Variants in ST7 observed in about 807,000 individuals in gnomAD.
ST7 encodes the protein suppressor of tumorigenicity 7 protein.
In ST7, 28 loss-of-function variants were observed where a neutral mutation model predicts 78.7. The observed-to-expected ratio is 0.36, with a 90% CI of 0.26 to 0.49. The LOEUF (loss-of-function observed/expected upper bound fraction) is 0.49, where lower values mean the gene tolerates loss of function less well. ST7 is among the 20% of genes least tolerant of loss of function. The pLI is 0.99. For synonymous variants in ST7, 247 were observed against 249.6 expected (o/e 0.99, Z 0.10); for missense variants, 418 against 696.0 (o/e 0.60, Z 4.49).
intron 1 of ST7, among the ~76,000 whole-genome samples, chr7:117,078,405 A>C (rs1341364220): frequency 6.6e-6 from 1 of 152,256 alleles, no homozygotes; most frequent in Non-Finnish European, 1.5e-5. Flanking sequence ...ATTAATCCAT[A>C]TATCTGGTGA....
At chr7:117,005,897 T>C (rs565401615) in intron 1 of ST7, among the ~76,000 whole-genome samples, 2 of 152,300 alleles carry the variant, frequency 1.3e-5, no homozygotes, top group African/African-American at 4.8e-5. Flanking sequence ...AATACGTAGA[T>C]CATAAATAGA....
intron 9 of ST7, chr7:117,146,015 CCAG>C (rs1805759776): frequency 6.6e-6 from 1 of 152,128 alleles, no homozygotes; most frequent in Non-Finnish European, 1.5e-5. Flanking sequence ...TACAGGATTC[CCAG>C]CTGAGAACTA....
chr7:117,020,681 T>C, intron 1 of ST7: 3 of 1,549,066 alleles, frequency 1.9e-6, no homozygotes, highest in Non-Finnish European at 2.6e-6. Flanking sequence ...CTTGCTGTCA[T>C]GGTTTCATTG....
intron 3 of ST7, among the ~76,000 whole-genome samples, chr7:117,120,177 G>A (rs527763409): frequency 7.9e-5 from 12 of 152,070 alleles, no homozygotes; most frequent in Non-Finnish European, 1.5e-5. Flanking sequence ...TAATCTGCCC[G>A]CCTTGGCCTC....
chr7:117,123,724 A>T (rs1474098819), intron 3 of ST7, among the ~76,000 whole-genome samples: 1 of 152,172 alleles, frequency 6.6e-6, no homozygotes, highest in Non-Finnish European at 1.5e-5. Context: ...AACATTCTGA[A>T]TTTGAGTTTA....
At chr7:117,178,968 G>A (rs1356620703) in intron 10 of ST7, among the ~76,000 whole-genome samples, 1 of 152,146 alleles carries the variant, frequency 6.6e-6, no homozygotes, top group African/African-American at 2.4e-5. Flanking sequence ...GCCAGAAGAG[G>A]TGTGGTTTTC....
intron 1 of ST7, among the ~76,000 whole-genome samples, chr7:117,071,204 C>T (rs558000898): frequency 6.6e-6 from 1 of 152,266 alleles, no homozygotes; most frequent in East Asian, 1.9e-4. Flanking sequence ...GCCTGGGCGA[C>T]AGAGCGAGAC....
At chr7:117,163,213 A>G (rs1443731000) in intron 9 of ST7, among the ~76,000 whole-genome samples, 4 of 152,108 alleles carry the variant, frequency 2.6e-5, no homozygotes, top group Non-Finnish European at 5.9e-5. Context: ...TGTCTTGGCT[A>G]TTGTGAATAG....
At chr7:117,188,773 T>TATATATATCCTC (rs147832271) in intron 10 of ST7, among the ~76,000 whole-genome samples, 6 of 151,982 alleles carry the variant, frequency 3.9e-5, no homozygotes, top group East Asian at 1.9e-4. Flanking sequence ...GACATATATA[T>TATATATATCCTC]AACTTGGACT....
intron 1 of ST7, among the ~76,000 whole-genome samples, chr7:117,065,164 A>G (rs10260368): frequency 0.23 from 34,328 of 149,040 alleles, 6,723 homozygotes; most frequent in African/African-American, 0.54. Flanking sequence ...ATAGCAAGTT[A>G]TGAATAAAAC....
chr7:117,047,356 T>C (rs1797543550), intron 1 of ST7, among the ~76,000 whole-genome samples: 1 of 152,226 alleles, frequency 6.6e-6, no homozygotes, highest in African/African-American at 2.4e-5. Context: ...ACGACTTAAT[T>C]ACAGGGAGTG....
At chr7:117,013,565 C>T (rs1394780466) in intron 1 of ST7, among the ~76,000 whole-genome samples, 2 of 152,316 alleles carry the variant, frequency 1.3e-5, no homozygotes, top group African/African-American at 2.4e-5. Flanking sequence ...AGGTGGCTCA[C>T]GCCTGTAATC....
chr7:117,173,211 T>C (rs1242543134), intron 10 of ST7, among the ~76,000 whole-genome samples: 1 of 152,224 alleles, frequency 6.6e-6, no homozygotes, highest in African/African-American at 2.4e-5. Context: ...TCATTATTCA[T>C]GGAAAAAGAG....
chr7:117,229,891 G>T lies in ST7; in HGVS notation c.*34G>T, dbSNP rs751920618. 2.6e-6 allele frequency: 4 copies of T among 1,559,832 alleles called. No individual in the cohort carries two copies. In the South Asian group the frequency reaches 3.3e-5, roughly 13 times the overall value. ...CTGTCCTCCACTCACCTCACCCGCCGCTGCCACCATCTCCTCTGTGCCAAC... is the reference window on the plus strand; with the variant it reads ...CTGTCCTCCACTCACCTCACCCGCCTCTGCCACCATCTCCTCTGTGCCAAC... On this transcript the variant is annotated 3_prime_UTR_variant, in exon 16 of 16. Coordinates refer to ENST00000323984, the MANE Select transcript of ST7 (RefSeq NM_001369598.1).
intron 1 of ST7, among the ~76,000 whole-genome samples, chr7:116,993,392 C>T (rs1277765450): frequency 6.6e-6 from 1 of 152,108 alleles, no homozygotes; most frequent in African/African-American, 2.4e-5. Flanking sequence ...AAAACGGAAA[C>T]CCCTGATAGA....
intron 10 of ST7, chr7:117,187,755 G>C (rs1809401762): frequency 1.3e-5 from 2 of 152,032 alleles, no homozygotes; most frequent in African/African-American, 4.8e-5. Context: ...ACAAGGCTTG[G>C]GTAATTTTAA....
intron 1 of ST7, among the ~76,000 whole-genome samples, chr7:117,062,955 G>GT (rs1345262711): frequency 6.6e-6 from 1 of 152,116 alleles, no homozygotes; most frequent in Non-Finnish European, 1.5e-5. Context: ...CTTTCCTTTA[G>GT]TTTTTTACAT....
At chr7:116,958,067 G>T (rs1792609053) in intron 1 of ST7, among the ~76,000 whole-genome samples, 1 of 152,010 alleles carries the variant, frequency 6.6e-6, no homozygotes, top group African/African-American at 2.4e-5. Context: ...GCTCACTGCA[G>T]CCTCAACCTG....
At chr7:117,142,013 G>T (rs1805351977) in intron 9 of ST7, among the ~76,000 whole-genome samples, 1 of 152,094 alleles carries the variant, frequency 6.6e-6, no homozygotes, top group South Asian at 2.1e-4. Flanking sequence ...AAAATAAAAA[G>T]TTGCATTTTC....
Sources: gnomAD v4.1 joint callset for allele counts (sites outside exome capture counted in the v4.1 genomes callset) on GRCh38, gnomAD v4.1.1 for gene constraint, MANE v1.5 for transcripts, NCBI Gene and HGNC (gene_info 2026-07-23, HGNC 2026-07-21) for gene names.